Variants in PPP2R3A observed in about 807,000 individuals in gnomAD.
PPP2R3A encodes serine/threonine-protein phosphatase 2A regulatory subunit B'' subunit alpha.
In PPP2R3A, 80 loss-of-function variants were observed where a neutral mutation model predicts 106.9. That is an observed-to-expected ratio of 0.75 (90% CI 0.62 to 0.90). The LOEUF (loss-of-function observed/expected upper bound fraction) is 0.90. Among genes scored for constraint, PPP2R3A ranks in the 40% least tolerant of loss-of-function variants. PPP2R3A has a pLI of 0.00. For missense variants in PPP2R3A, 1,386 were observed against 1,350.4 expected, an observed-to-expected ratio of 1.03 and a Z score of -0.41; for synonymous variants, 483 against 468.3, an observed-to-expected ratio of 1.03 and a Z score of -0.41.
At chr3:135,974,424 C>T (rs573285956) in intron 1 of PPP2R3A, among the ~76,000 whole-genome samples, 2 of 152,138 alleles carry the variant, frequency 1.3e-5, no homozygotes, top group African/African-American at 2.4e-5. Context: ...ACTCAGCAGC[C>T]GGAGGAATCT....
intron 13 of PPP2R3A, among the ~76,000 whole-genome samples, chr3:136,141,643 G>C (rs912132963): frequency 6.6e-6 from 1 of 152,302 alleles, no homozygotes; most frequent in East Asian, 1.9e-4. Context: ...CAGATTAAAA[G>C]ATGAACACAA....
intron 13 of PPP2R3A, among the ~76,000 whole-genome samples, chr3:136,111,572 A>C (rs1006972543): frequency 6.6e-6 from 1 of 152,142 alleles, no homozygotes; most frequent in Non-Finnish European, 1.5e-5. Flanking sequence ...TCCTGAAAAC[A>C]TACAACCTCC....
intron 2 of PPP2R3A, among the ~76,000 whole-genome samples, chr3:136,019,594 G>A (rs867949230): frequency 6.6e-6 from 1 of 152,120 alleles, no homozygotes; most frequent in Admixed American, 6.5e-5. Flanking sequence ...CTATATTCCA[G>A]TTGTCATGAA....
At chr3:136,116,807 C>T (rs953722251) in intron 13 of PPP2R3A, among the ~76,000 whole-genome samples, 6 of 152,160 alleles carry the variant, frequency 3.9e-5, no homozygotes, top group Admixed American at 2.0e-4. Context: ...ACTTTAACAC[C>T]CCAATGTCAG....
intron 1 of PPP2R3A, among the ~76,000 whole-genome samples, chr3:135,990,030 T>C (rs953893280): frequency 3.9e-5 from 6 of 152,198 alleles, no homozygotes; most frequent in Admixed American, 3.9e-4. Context: ...CTCACTTTTG[T>C]TTGTAGTGTG....
intron 10 of PPP2R3A, among the ~76,000 whole-genome samples, chr3:136,092,731 A>G (rs929565630): frequency 6.6e-6 from 1 of 152,232 alleles, no homozygotes; most frequent in African/African-American, 2.4e-5. Context: ...TTTAGGGCTA[A>G]TTGATTTGCA....
At chr3:136,095,738 A>C (rs1198876245) in intron 10 of PPP2R3A, among the ~76,000 whole-genome samples, 8 of 152,164 alleles carry the variant, frequency 5.3e-5, no homozygotes, top group Non-Finnish European at 1.2e-4. Context: ...GATTTTGCCC[A>C]TTGATACTTG....
intron 9 of PPP2R3A, among the ~76,000 whole-genome samples, chr3:136,088,462 A>T (rs1576494158): frequency 6.6e-6 from 1 of 152,152 alleles, no homozygotes; most frequent in Non-Finnish European, 1.5e-5. Flanking sequence ...ATTCAATGGT[A>T]TATATGTACC....
chr3:136,131,804 C>T (rs1938430995), intron 13 of PPP2R3A, among the ~76,000 whole-genome samples: 1 of 152,138 alleles, frequency 6.6e-6, no homozygotes, highest in African/African-American at 2.4e-5. Flanking sequence ...AAATGTGGTA[C>T]ATATACACCA....
chr3:136,030,411 A>T lies in PPP2R3A; in HGVS notation c.2262+3313A>T, dbSNP rs143939732. ...GCTAATTCTCTTTTTTTCTAATTTT[A>T]TTTCCATGGTTTGTTGGGAAACAGG... On this transcript the variant is annotated intron_variant, in intron 3 of 13. Coordinates refer to ENST00000264977, the MANE Select transcript of PPP2R3A (RefSeq NM_002718.5). Among the ~76,000 whole-genome samples, 151 of 151,692 alleles carry T rather than the reference A, an allele frequency of 1.0e-3. 1 individual carries two copies. Among genetic ancestry groups the T allele is most frequent in the Non-Finnish European group, 1.7e-3 (112 of 67,876 alleles).
chr3:136,097,858 T>A (rs753329652), intron 10 of PPP2R3A, among the ~76,000 whole-genome samples: 1 of 152,202 alleles, frequency 6.6e-6, no homozygotes, highest in Admixed American at 6.5e-5. Context: ...CAGATATTAT[T>A]ACATGTATTG....
intron 8 of PPP2R3A, among the ~76,000 whole-genome samples, chr3:136,085,526 C>A (rs1036173540): frequency 7.2e-5 from 11 of 151,962 alleles, no homozygotes; most frequent in African/African-American, 2.7e-4. Context: ...GTGATCCACT[C>A]GCTTTGGCCT....
intron 3 of PPP2R3A, among the ~76,000 whole-genome samples, chr3:136,027,887 C>G (rs779080510): frequency 6.6e-6 from 1 of 152,152 alleles, no homozygotes; most frequent in Admixed American, 6.5e-5. Flanking sequence ...AGTAGGAGAC[C>G]AAGTGAGAAT....
At chr3:135,998,566 C>CT (rs1017206468) in intron 1 of PPP2R3A, among the ~76,000 whole-genome samples, 1 of 152,046 alleles carries the variant, frequency 6.6e-6, no homozygotes, top group African/African-American at 2.4e-5. Context: ...TATCTAATGA[C>CT]TTTTTTTGAA....
In PPP2R3A at chr3:136,121,820, A is replaced by G. The variant is rs146767793; in HGVS notation, c.3329+15498A>G. ...AGATTTGGAAGATGAAATTGAGAAT[A>G]TTTTCACTAAACTGTAATTCCAAAT... On this transcript the variant is annotated intron_variant, in intron 13 of 13. Transcript: ENST00000264977. Among the ~76,000 whole-genome samples, 4 of 152,272 alleles carry G rather than the reference A, an allele frequency of 2.6e-5. No homozygotes were observed. The East Asian group carries it at 7.7e-4, about 29-fold the overall frequency.
At chr3:135,985,333 C>G (rs189311255) in intron 1 of PPP2R3A, among the ~76,000 whole-genome samples, 2 of 142,202 alleles carry the variant, frequency 1.4e-5, no homozygotes, top group South Asian at 4.2e-4. Flanking sequence ...TTCCCTTTCT[C>G]TCTCTCTCTC....
At chr3:136,012,104 C>G (rs1934106146) in intron 2 of PPP2R3A, among the ~76,000 whole-genome samples, 2 of 152,062 alleles carry the variant, frequency 1.3e-5, no homozygotes, top group Non-Finnish European at 2.9e-5. Context: ...GAAATAGAAT[C>G]CCTTCATTTC....
At chr3:136,128,567 G>A (rs61791750) in intron 13 of PPP2R3A, among the ~76,000 whole-genome samples, 4 of 152,044 alleles carry the variant, frequency 2.6e-5, no homozygotes, top group Non-Finnish European at 4.4e-5. Flanking sequence ...CACAATAATA[G>A]TGGGACACTT....
intron 2 of PPP2R3A, among the ~76,000 whole-genome samples, chr3:136,012,669 A>T (rs577739344): frequency 7.2e-5 from 11 of 152,226 alleles, no homozygotes; most frequent in Non-Finnish European, 1.5e-4. Context: ...AAGTTAGAGC[A>T]GAAAGGTTAT....
Sources: gnomAD v4.1 joint callset for allele counts (sites outside exome capture counted in the v4.1 genomes callset) on GRCh38, gnomAD v4.1.1 for gene constraint, MANE v1.5 for transcripts, NCBI Gene and HGNC (gene_info 2026-07-23, HGNC 2026-07-21) for gene names.